RARS2: variants seen among roughly 807,000 people sequenced by gnomAD.
The protein encoded by RARS2 is probable arginine--tRNA ligase, mitochondrial.
In RARS2, 67 loss-of-function variants were observed where a neutral mutation model predicts 88.5. The ratio of observed to expected loss-of-function variants is 0.76; its 90% confidence interval spans 0.62 to 0.93. The LOEUF is 0.93. Ranked by LOEUF, RARS2 falls within the 40% of genes least tolerant of loss-of-function variation. RARS2 has a pLI of 0.00. For missense variants in RARS2, 664 were observed against 684.2 expected, an observed-to-expected ratio of 0.97 and a Z score of 0.33; for synonymous variants, 239 against 230.3, an observed-to-expected ratio of 1.04 and a Z score of -0.34.
intron 2 of RARS2, among the ~76,000 whole-genome samples, chr6:87,566,662 T>A (rs9450743): frequency 6.6e-6 from 1 of 151,382 alleles, no homozygotes; most frequent in Non-Finnish European, 1.5e-5. Context: ...CTGGGCAATG[T>A]AGGCAGACAT....
At position 87,564,153 on chromosome 6, in the gene RARS2, G is replaced by A. The variant is rs1047201601; in HGVS notation, c.190C>T (p.Gln64Ter). 1.9e-6 allele frequency: 3 copies of A among 1,612,004 alleles called. No homozygotes were observed. The highest frequency in any genetic ancestry group is 1.7e-5 in the Admixed American group (1 of 59,994). The change falls in exon 3 of 20, where the codon CAA (glutamine) becomes TAA (stop). Residue 64 changes from glutamine (Q) to a stop codon, truncating the protein, a stop_gained. Coordinates refer to ENST00000369536, the MANE Select transcript of RARS2 (RefSeq NM_020320.5). LOFTEE classifies it high-confidence loss of function. ...ACCTTCTCTGCTAGTCTCTTGGCTT[G>A]AACTTGAATATCTGGTCTTGAATGG... ...NDHSRPDIQVQAKRLAEKLRC... is the reference protein window; with the variant it reads ...NDHSRPDIQV
At chr6:87,587,963 G>T (rs755398855) in intron 1 of RARS2, among the ~76,000 whole-genome samples, 17 of 152,010 alleles carry the variant, frequency 1.1e-4, no homozygotes, top group Non-Finnish European at 2.4e-4. Flanking sequence ...TATAGAGATG[G>T]GGGTCTCCCT....
In RARS2 at chr6:87,569,617, G is replaced by GTT. The variant is rs770964669; in HGVS notation, c.37-28_37-27insAA. ...TAAAAATCAAAAAGAACAAAACAGT[G>GTT]TAAGATTGTTCACATATTTGTTCCA... On this transcript the variant is annotated intron_variant, in intron 1 of 19. Transcript: ENST00000369536. 5 of 1,532,586 alleles carry GTT rather than the reference G, an allele frequency of 3.3e-6. No homozygotes were observed. In the African/African-American group the frequency reaches 6.8e-5, roughly 21 times the overall value. The allele number at this position is 1,532,586 out of a possible 1,614,324, so 94.9% of individuals were successfully genotyped here. A position where few individuals can be genotyped will look rare whatever the true frequency, so the allele number is the denominator to read the frequency against.
At position 87,515,452 on chromosome 6, in the gene RARS2, A is replaced by G. The variant is rs531744463; in HGVS notation, c.1587-432T>C. ...GGAGAATGGCGTGAACCCAGGAGGC[A>G]GAGCTTGCAGTGAGCCGAGATCACG... On this transcript the variant is annotated intron_variant, in intron 18 of 19. Coordinates refer to ENST00000369536, the MANE Select transcript of RARS2 (RefSeq NM_020320.5). Among the ~76,000 whole-genome samples, 181 of 151,742 alleles carry G rather than the reference A, an allele frequency of 1.2e-3. 2 individuals are homozygous for G. The highest frequency in any genetic ancestry group is 8.3e-4 in the Non-Finnish European group (56 of 67,844).
chr6:87,586,305 T>C (rs1305823409), intron 1 of RARS2, among the ~76,000 whole-genome samples: 1 of 152,164 alleles, frequency 6.6e-6, no homozygotes. Context: ...AATCCAAATA[T>C]TGTGATTCTA....
intron 14 of RARS2, chr6:87,519,156 G>A (rs1470396038): frequency 5.6e-6 from 2 of 355,454 alleles, no homozygotes; most frequent in South Asian, 2.4e-5. Context: ...ATATATATAT[G>A]TATGTGTGTA....
intron 2 of RARS2, among the ~76,000 whole-genome samples, chr6:87,565,651 C>G (rs960153688): frequency 6.6e-6 from 1 of 152,148 alleles, no homozygotes; most frequent in Non-Finnish European, 1.5e-5. Context: ...ACATCATTCT[C>G]TATGAATTTT....
intron 8 of RARS2, among the ~76,000 whole-genome samples, chr6:87,538,803 G>A (rs1779983178): frequency 6.6e-6 from 1 of 152,154 alleles, no homozygotes; most frequent in Non-Finnish European, 1.5e-5. Flanking sequence ...GGAGTTTGAG[G>A]CAGGAGGACT....
intron 1 of RARS2, among the ~76,000 whole-genome samples, chr6:87,586,463 A>G (rs548697242): frequency 6.6e-6 from 1 of 152,270 alleles, no homozygotes; most frequent in Non-Finnish European, 1.5e-5. Flanking sequence ...CCTTTCTACA[A>G]AACTTTGTCT....
intron 11 of RARS2, among the ~76,000 whole-genome samples, chr6:87,524,081 C>T (rs1774886884): frequency 6.6e-6 from 1 of 152,148 alleles, no homozygotes; most frequent in African/African-American, 2.4e-5. Context: ...TGATTTGTGA[C>T]CTAATATAAA....
intron 6 of RARS2, 101 bp downstream of exon 6, chr6:87,548,490 T>A: frequency 8.4e-7 from 1 of 1,196,380 alleles, no homozygotes; most frequent in South Asian, 1.4e-5. Context: ...AAACTTTTTG[T>A]TTTTTGCTAT....
At chr6:87,585,322 A>G (rs1774806070) in intron 1 of RARS2, among the ~76,000 whole-genome samples, 1 of 152,248 alleles carries the variant, frequency 6.6e-6, no homozygotes, top group South Asian at 2.1e-4. Flanking sequence ...TAGAGGAAAC[A>G]GACACTAAAA....
chr6:87,523,141 A>G (rs959349224), intron 11 of RARS2, among the ~76,000 whole-genome samples: 23 of 152,226 alleles, frequency 1.5e-4, no homozygotes, highest in African/African-American at 5.3e-4. Context: ...TTGGTTTAAG[A>G]TAAGGACAAA....
intron 5 of RARS2, among the ~76,000 whole-genome samples, chr6:87,553,163 T>C (rs1305399868): frequency 6.6e-6 from 1 of 152,174 alleles, no homozygotes. Context: ...CTTAGAGCCT[T>C]GAGTACCTTT....
intron 1 of RARS2, among the ~76,000 whole-genome samples, chr6:87,585,964 T>C (rs534488814): frequency 1.6e-4 from 25 of 152,200 alleles, no homozygotes; most frequent in Non-Finnish European, 3.1e-4. Flanking sequence ...CAAATTAACA[T>C]TGTAGCTAGG....
Position 87,520,409 on chromosome 6 carries a change from A to T in RARS2, c.1036-153T>A, listed in dbSNP as rs1108757. 0.02 allele frequency among the ~76,000 whole-genome samples: 2,989 copies of T among 152,304 alleles called. 173 individuals are homozygous for T. Among genetic ancestry groups the T allele is most frequent in the East Asian group, 0.15 (751 of 5,178 alleles). ...CTAAACACAAAGAGGATGCCACAAG[A>T]AGAGTGTCTAAGTGGACTGCTCTAC... On this transcript the variant is annotated intron_variant, in intron 12 of 19. Coordinates refer to ENST00000369536, the MANE Select transcript of RARS2 (RefSeq NM_020320.5).
chr6:87,529,506 A>G (rs1249707438), intron 10 of RARS2, 36 bp downstream of exon 10: 2 of 1,294,060 alleles, frequency 1.5e-6, no homozygotes, highest in Middle Eastern at 2.0e-4. Flanking sequence ...TTCAAAGAAC[A>G]AATAATTTTA....
intron 1 of RARS2, among the ~76,000 whole-genome samples, chr6:87,571,132 T>C (rs1666017766): frequency 6.6e-6 from 1 of 151,106 alleles, no homozygotes; most frequent in Non-Finnish European, 1.5e-5. Context: ...CCACGTGTCA[T>C]GGGAGGGACC....
At chr6:87,531,933 G>A (rs1475926842) in intron 8 of RARS2, among the ~76,000 whole-genome samples, 1 of 152,116 alleles carries the variant, frequency 6.6e-6, no homozygotes, top group Non-Finnish European at 1.5e-5. Flanking sequence ...AAAGTCTCAT[G>A]AAAGCAATAA....
Sources: allele counts gnomAD v4.1 joint callset (sites outside exome capture counted in the v4.1 genomes callset), GRCh38; gene constraint gnomAD v4.1.1; transcripts MANE v1.5; gene names NCBI Gene and HGNC (gene_info 2026-07-23, HGNC 2026-07-21).